The following RMND5A variants were observed in gnomAD, a reference collection of about 807,000 sequenced individuals.
RMND5A encodes required for meiotic nuclear division 5 homolog A.
RMND5A carries 17 observed loss-of-function variants against 49.7 expected under a neutral mutation model. That is an observed-to-expected ratio of 0.34 (90% confidence interval 0.23 to 0.51). RMND5A has a LOEUF of 0.51. Ranked by LOEUF, RMND5A falls within the 20% of genes least tolerant of loss-of-function variation. The pLI is 0.96. For missense variants in RMND5A, 255 were observed against 471.3 expected (o/e 0.54, Z 4.25); for synonymous variants, 156 against 167.7 (o/e 0.93, Z 0.54).
rs185470546 is a variant in RMND5A at position 86,763,295 on chromosome 2, C to G, written c.522-1732C>G. On this transcript the variant is annotated intron_variant, in intron 4 of 8. Coordinates refer to ENST00000283632, the MANE Select transcript of RMND5A (RefSeq NM_022780.4). ...AAATCTTACTGCCTTTCCTTACTTG[C>G]TAGTAGGAAAACATACTCATGCTTA... is the stretch of plus-strand genomic sequence containing the variant. Among the ~76,000 whole-genome samples the G allele has an allele frequency of 2.7e-3, 410 of 152,100 alleles. 2 individuals carry two copies. Among genetic ancestry groups the G allele is most frequent in the African/African-American group, 9.3e-3 (384 of 41,476 alleles).
At chr2:86,751,612 C>A (rs946456809) in intron 2 of RMND5A, among the ~76,000 whole-genome samples, 4 of 152,142 alleles carry the variant, frequency 2.6e-5, no homozygotes, top group Non-Finnish European at 5.9e-5. Flanking sequence ...AATATTGCTG[C>A]ATATAATGCC....
rs2944256 is a variant in RMND5A at position 86,735,061 on chromosome 2, G to A, written c.143-5866G>A. ...AATGTAATATTTTCAAGGTTCATCT[G>A]TGTCATAGTATGTATCAGTACCTCA... On this transcript the variant is annotated intron_variant, in intron 1 of 8. Coordinates refer to ENST00000283632, the MANE Select transcript of RMND5A (RefSeq NM_022780.4). Among the ~76,000 whole-genome samples the A allele has an allele frequency of 9.3e-3, 1,239 of 133,840 alleles. 5 individuals carry two copies. The highest frequency in any genetic ancestry group is 0.035 in the African/African-American group (1,051 of 29,964). 87.8% of individuals were successfully genotyped at this position (133,840 alleles called of 152,430 possible). A position where few individuals can be genotyped will look rare whatever the true frequency, so the allele number is the denominator to read the frequency against.
intron 2 of RMND5A, among the ~76,000 whole-genome samples, chr2:86,742,442 C>T (rs1301369113): frequency 1.4e-5 from 2 of 147,838 alleles, no homozygotes; most frequent in African/African-American, 5.0e-5. Context: ...GTGGGTTTGG[C>T]ATCAACCCTC....
intron 2 of RMND5A, among the ~76,000 whole-genome samples, chr2:86,744,089 A>T (rs958860613): frequency 6.6e-6 from 1 of 152,102 alleles, no homozygotes; most frequent in Non-Finnish European, 1.5e-5. Flanking sequence ...CTTTTAGCTC[A>T]GTTCCCTAGT....
Position 86,720,894 on chromosome 2 carries a change from C to T in RMND5A, c.142+85C>T, listed in dbSNP as rs1274161685. The T allele has an allele frequency of 7.5e-6, 10 of 1,334,198 alleles. No individual in the cohort carries two copies. The African/African-American group carries it at 1.1e-4, about 15-fold the overall frequency. The allele number at this position is 1,334,198 out of a possible 1,614,324, so 82.6% of individuals were successfully genotyped here. A position where few individuals can be genotyped will look rare whatever the true frequency, so the allele number is the denominator to read the frequency against. The stretch of plus-strand genomic sequence containing the variant: ...CCCGCGGCGGGAATCCCTCACCCAC[C>T]CTCGCGCCTCTGGCCCGGCCCTTGC... On this transcript the variant is annotated intron_variant, in intron 1 of 8. Coordinates refer to ENST00000283632, the MANE Select transcript of RMND5A (RefSeq NM_022780.4).
chr2:86,762,929 A>G (rs1672528304), intron 4 of RMND5A, among the ~76,000 whole-genome samples: 2 of 151,658 alleles, frequency 1.3e-5, no homozygotes, highest in Admixed American at 6.6e-5. Context: ...GGTGCCAGCT[A>G]CTTGGGAAGC....
intron 4 of RMND5A, among the ~76,000 whole-genome samples, chr2:86,755,057 G>A (rs992485605): frequency 6.6e-6 from 1 of 151,792 alleles, no homozygotes; most frequent in African/African-American, 2.4e-5. Flanking sequence ...ACATCTGGGA[G>A]ATAAATTCAA....
intron 6 of RMND5A, among the ~76,000 whole-genome samples, chr2:86,767,150 A>T (rs1442623199): frequency 6.6e-6 from 1 of 151,844 alleles, no homozygotes; most frequent in Non-Finnish European, 1.5e-5. Flanking sequence ...TGCAGCCTCC[A>T]CCTCTTGGGT....
chr2:86,743,133 A>T (rs1396708221), intron 2 of RMND5A, among the ~76,000 whole-genome samples: 10 of 152,168 alleles, frequency 6.6e-5, no homozygotes, highest in Non-Finnish European at 7.3e-5. Context: ...CAGACCTAGC[A>T]GGTCTTTATA....
chr2:86,762,434 C>T (rs1672509910), intron 4 of RMND5A, among the ~76,000 whole-genome samples: 1 of 151,846 alleles, frequency 6.6e-6, no homozygotes, highest in South Asian at 2.1e-4. Context: ...CACCTGAGGC[C>T]AGGAGTTCAA....
intron 4 of RMND5A, among the ~76,000 whole-genome samples, chr2:86,757,776 G>T: frequency 6.6e-6 from 1 of 152,142 alleles, no homozygotes; most frequent in East Asian, 1.9e-4. Context: ...CTTGTTTTTG[G>T]TGTCCTTATT....
At chr2:86,757,832 C>G (rs1324211010) in intron 4 of RMND5A, among the ~76,000 whole-genome samples, 3 of 152,162 alleles carry the variant, frequency 2.0e-5, no homozygotes, top group Admixed American at 2.0e-4. Context: ...CGATAAAAAC[C>G]TGAATTGCTA....
chr2:86,744,851 C>A (rs550407673), intron 2 of RMND5A, among the ~76,000 whole-genome samples: 1 of 152,062 alleles, frequency 6.6e-6, no homozygotes, highest in South Asian at 2.1e-4. Flanking sequence ...TGCTACCATG[C>A]CCAGTTAATT....
In RMND5A at chr2:86,771,595, C is replaced by G. The variant is rs768208336; in HGVS notation, c.995C>G (p.Ser332Cys). 6.2e-7 allele frequency: 1 copy of G among 1,609,002 alleles called. No individual in the cohort carries two copies. The highest frequency in any genetic ancestry group is 1.1e-5 in the South Asian group (1 of 90,876). Reference protein sequence around the residue: ...VDLGKKCWYHSIFACPILRQQ... With the variant: ...VDLGKKCWYHCIFACPILRQQ... ...CTTGGTAAAAAGTGCTGGTATCACT[C>G]TATATTTGCCTGCCCCATTCTTCGT... is the stretch of plus-strand genomic sequence containing the variant. The change falls in exon 8 of 9, where the codon TCT (serine) becomes TGT (cysteine). Residue 332 changes from serine to cysteine, a missense_variant. Coordinates refer to ENST00000283632, the MANE Select transcript of RMND5A (RefSeq NM_022780.4).
chr2:86,753,307 A>G, intron 3 of RMND5A, 151 bp from the exon 4 acceptor site: 1 of 501,762 alleles, frequency 2.0e-6, no homozygotes, highest in Non-Finnish European at 3.5e-6. Context: ...AAAGAGGGGA[A>G]GAATGTACTA....
At chr2:86,764,166 T>C (rs890373576) in intron 4 of RMND5A, among the ~76,000 whole-genome samples, 6 of 152,240 alleles carry the variant, frequency 3.9e-5, no homozygotes, top group African/African-American at 1.4e-4. Flanking sequence ...GTTCAGATTC[T>C]AGTGGTCTTT....
In RMND5A at chr2:86,771,658, T is replaced by C; in HGVS notation, c.1058T>C (p.Val353Ala). ...TTDNNPPMKL[V>A]CGHIISRDAL... Reference sequence around the variant, plus strand: ...GATAACAATCCACCCATGAAATTGGTCTGTGGTCATATTATATCAAGAGAT... The same window carrying C: ...GATAACAATCCACCCATGAAATTGGCCTGTGGTCATATTATATCAAGAGAT... The change falls in exon 8 of 9, where the codon GTC becomes GCC. Residue 353 changes from valine to alanine, a missense_variant. This residue lies in a region of RMND5A where 208 missense variants were observed against 339.8 expected (regional missense o/e 0.61). Coordinates refer to ENST00000283632, the MANE Select transcript of RMND5A (RefSeq NM_022780.4). 2.5e-6 allele frequency: 4 copies of C among 1,613,804 alleles called. No individual in the cohort carries two copies. The highest frequency in any genetic ancestry group is 3.4e-6 in the Non-Finnish European group (4 of 1,179,782).
At chr2:86,754,973 C>T (rs1681705698) in intron 4 of RMND5A, among the ~76,000 whole-genome samples, 2 of 152,160 alleles carry the variant, frequency 1.3e-5, no homozygotes, top group African/African-American at 4.8e-5. Flanking sequence ...ATAGATCTCA[C>T]TTAAGAACTG....
intron 4 of RMND5A, among the ~76,000 whole-genome samples, chr2:86,758,921 C>T (rs1175936444): frequency 6.6e-6 from 1 of 152,032 alleles, no homozygotes; most frequent in Non-Finnish European, 1.5e-5. Context: ...GACATTTCAC[C>T]AGGTCCACAC....
Sources: gnomAD v4.1 joint callset for allele counts (sites outside exome capture counted in the v4.1 genomes callset) on GRCh38, gnomAD v4.1.1 for gene constraint, gnomAD v4.1.1 regional missense constraint, MANE v1.5 for transcripts, NCBI Gene and HGNC (gene_info 2026-07-23, HGNC 2026-07-21) for gene names.